The following MPDU1 variants were observed in gnomAD, a reference collection of about 807,000 sequenced individuals.
MPDU1 encodes mannose-P-dolichol utilization defect 1 protein.
In MPDU1, 18 loss-of-function variants were observed where a neutral mutation model predicts 27.6. That is an observed-to-expected ratio of 0.65 (90% confidence interval 0.45 to 0.97). The LOEUF is 0.97. MPDU1 is among the 50% of genes least tolerant of loss of function. The pLI is 0.00. For synonymous variants in MPDU1, 142 were observed against 131.1 expected (o/e 1.08, Z -0.57); for missense variants, 279 against 297.4 (o/e 0.94, Z 0.46).
chr17:7,585,835 G>A, intron 2 of MPDU1, 38 bp downstream of exon 2: 1 of 1,613,294 alleles, frequency 6.2e-7, no homozygotes, highest in Non-Finnish European at 8.5e-7. Context: ...GTTGGGTTGG[G>A]GTGGAGGTGC....
rs375637400 is a variant in MPDU1 at position 7,585,929 on chromosome 17, T to C, written c.170-17T>C. 6.2e-7 allele frequency: 1 copy of C among 1,614,070 alleles called. No individual in the cohort carries two copies. The highest frequency in any genetic ancestry group is 1.3e-5 in the African/African-American group (1 of 74,904). On this transcript the variant is annotated splice_polypyrimidine_tract_variant and intron_variant, in intron 2 of 6. Transcript: ENST00000250124. ...AATGGAGAGTCCTCAGTCCTACTTT[T>C]CTCATCTTTCCCCTAGTAAAGCTGC...
At chr17:7,587,311 C>T (rs368281355) in intron 6 of MPDU1, 40 bp downstream of exon 6, 14 of 1,612,604 alleles carry the variant, frequency 8.7e-6, no homozygotes, top group South Asian at 6.6e-5. Flanking sequence ...ACTAAAACCT[C>T]GTCTTACTTC....
chr17:7,586,094 T>C lies in MPDU1; in HGVS notation c.302+16T>C. 6.2e-7 allele frequency: 1 copy of C among 1,612,748 alleles called. No homozygotes were observed. The highest frequency in any genetic ancestry group is 1.7e-5 in the Admixed American group (1 of 59,982). Reference sequence around the variant, plus strand: ...TCCCATTCAGGTGAGGGGCCCACCCTTCCACCCCAAGGGTAATACCCACAA... The same window carrying C: ...TCCCATTCAGGTGAGGGGCCCACCCCTCCACCCCAAGGGTAATACCCACAA... On this transcript the variant is annotated intron_variant, in intron 3 of 6. Transcript: ENST00000250124.
rs1042292152 is a variant in MPDU1 at position 7,588,081 on chromosome 17, T to G, written c.*530T>G. 7.0e-6 allele frequency: 4 copies of G among 568,420 alleles called. No individual in the cohort carries two copies. The highest frequency in any genetic ancestry group is 3.7e-5 in the African/African-American group (2 of 53,950). 35.2% of individuals were successfully genotyped at this position (568,420 alleles called of 1,614,324 possible). ...GGGCCCCAGGGTGGGGTGAGGAGGT[T>G]CCTGCTCTGGCAGGTCTAGGCGGAA... is the stretch of plus-strand genomic sequence containing the variant. On this transcript the variant is annotated 3_prime_UTR_variant, in exon 7 of 7. Transcript: ENST00000250124.
chr17:7,586,645 C>T, intron 3 of MPDU1, 47 bp from the exon 4 acceptor site: 1 of 1,555,738 alleles, frequency 6.4e-7, no homozygotes, highest in Non-Finnish European at 8.9e-7. Context: ...GCTTTCCCTG[C>T]CTCTTTCTAG....
intron 2 of MPDU1, 39 bp downstream of exon 2, chr17:7,585,836 G>A: frequency 6.2e-7 from 1 of 1,613,162 alleles, no homozygotes; most frequent in Non-Finnish European, 8.5e-7. Flanking sequence ...TTGGGTTGGG[G>A]TGGAGGTGCT....
At position 7,587,067 on chromosome 17, in the gene MPDU1, G is replaced by GAGGGGGGGGGGGA; in HGVS notation, c.507+51_507+52insGGGGGGGGGGGAA. ...GATGTTGTGGGGGCAGGGTGGGGGG[G>GAGGGGGGGGGGGA]AAGAGTAGAAGATCAAAGTGTGGGG... is the stretch of plus-strand genomic sequence containing the variant. On this transcript the variant is annotated intron_variant, in intron 5 of 6. Coordinates refer to ENST00000250124, the MANE Select transcript of MPDU1 (RefSeq NM_004870.4). 4.8e-6 allele frequency: 5 copies of GAGGGGGGGGGGGA among 1,041,350 alleles called. No individual in the cohort carries two copies. In the Admixed American group the frequency reaches 9.6e-5, roughly 20 times the overall value. 64.5% of individuals were successfully genotyped at this position (1,041,350 alleles called of 1,614,324 possible). A position where few individuals can be genotyped will look rare whatever the true frequency, so the allele number is the denominator to read the frequency against.
In MPDU1 at chr17:7,585,950, G is replaced by T. The variant is rs1428007763; in HGVS notation, c.174G>T (p.Lys58Asn). The T allele has an allele frequency of 6.2e-7, 1 of 1,614,140 alleles. No individual in the cohort carries two copies. Among genetic ancestry groups the T allele is most frequent in the Admixed American group, 1.7e-5 (1 of 60,024 alleles). The change falls in exon 3 of 7, where the codon AAG (lysine) becomes AAT (asparagine). Residue 58 changes from lysine to asparagine, a missense_variant. Transcript: ENST00000250124. ...LGIVAGSLLVKLPQVFKILGA... is the reference protein window; with the variant it reads ...LGIVAGSLLVNLPQVFKILGA... ...CTTTTCTCATCTTTCCCCTAGTAAA[G>T]CTGCCCCAGGTGTTTAAAATCCTGG... is the stretch of plus-strand genomic sequence containing the variant.
chr17:7,587,940 CG>C lies in MPDU1; in HGVS notation c.*391del, dbSNP rs1297115928. On this transcript the variant is annotated 3_prime_UTR_variant, in exon 7 of 7. Coordinates refer to ENST00000250124, the MANE Select transcript of MPDU1 (RefSeq NM_004870.4). ...CTGGCCCTGGAAGACTGAGTCTGGA[CG>C]GCAGAGTGGAGGGACTGGGAGGCTG... 2.1e-6 allele frequency: 1 copy of C among 480,052 alleles called. No individual in the cohort carries two copies. Among genetic ancestry groups the C allele is most frequent in the East Asian group, 6.2e-5 (1 of 16,154 alleles). The allele number at this position is 480,052 out of a possible 1,614,324, so 29.7% of individuals were successfully genotyped here. A position where few individuals can be genotyped will look rare whatever the true frequency, so the allele number is the denominator to read the frequency against.
Position 7,586,700 on chromosome 17 carries a change from G to GTGAA in MPDU1, c.312_315dup (p.Ala106Ter). ...AACTCTTGACTCTGCAGCTCTTGGG[G>GTGAA]TGAAGCCTTATTCCTGATGCTCCAG... On this transcript the variant is annotated frameshift_variant, in exon 4 of 7. Transcript: ENST00000250124. LOFTEE classifies it high-confidence loss of function. 6.2e-7 allele frequency: 1 copy of GTGAA among 1,614,134 alleles called. No homozygotes were observed. Among genetic ancestry groups the GTGAA allele is most frequent in the Non-Finnish European group, 8.5e-7 (1 of 1,180,008 alleles).
Position 7,587,157 on chromosome 17 carries a change from C to G in MPDU1, c.508-4C>G. The G allele has an allele frequency of 6.2e-7, 1 of 1,613,966 alleles. No homozygotes were observed. The highest frequency in any genetic ancestry group is 8.5e-7 in the Non-Finnish European group (1 of 1,179,914). On this transcript the variant is annotated splice_polypyrimidine_tract_variant and splice_region_variant and intron_variant, in intron 5 of 6. Coordinates refer to ENST00000250124, the MANE Select transcript of MPDU1 (RefSeq NM_004870.4). ...AGAGCCAAAGGTCTCAACTCCTCCCCTAGCTTCTCCAGGCAGCCACCAACT... is the reference window on the plus strand; with the variant it reads ...AGAGCCAAAGGTCTCAACTCCTCCCGTAGCTTCTCCAGGCAGCCACCAACT...
chr17:7,587,379 C>T, intron 6 of MPDU1, 47 bp from the exon 7 acceptor site: 1 of 1,613,970 alleles, frequency 6.2e-7, no homozygotes, highest in Non-Finnish European at 8.5e-7. Context: ...GGGAACCTTT[C>T]TTGAGCTATG....
intron 5 of MPDU1, 50 bp downstream of exon 5, chr17:7,587,067 G>GGGA: frequency 3.8e-6 from 4 of 1,041,360 alleles, no homozygotes; most frequent in East Asian, 3.0e-5. Flanking sequence ...GGGTGGGGGG[G>GGGA]AAGAGTAGAA....
chr17:7,586,174 A>G, intron 3 of MPDU1, 96 bp downstream of exon 3: 2 of 1,487,076 alleles, frequency 1.3e-6, no homozygotes, highest in Non-Finnish European at 1.8e-6. Context: ...GGCCGGGCCC[A>G]GTGGCTTGCA....
Position 7,587,977 on chromosome 17 carries a change from C to T in MPDU1, c.*426C>T, listed in dbSNP as rs2071613436. The stretch of plus-strand genomic sequence containing the variant: ...GGGACTGGGAGGCTGTGGCTGCCTC[C>T]CTCCCTCAGCCCGGCTGGGACTGTC... On this transcript the variant is annotated 3_prime_UTR_variant, in exon 7 of 7. Coordinates refer to ENST00000250124, the MANE Select transcript of MPDU1 (RefSeq NM_004870.4). 1 of 478,284 alleles carries T rather than the reference C, an allele frequency of 2.1e-6. No homozygotes were observed. The highest frequency in any genetic ancestry group is 1.5e-5 in the South Asian group (1 of 64,688). 29.6% of individuals were successfully genotyped at this position (478,284 alleles called of 1,614,324 possible).
rs556327306 is a variant in MPDU1, at chr17:7,588,102, C to T, written c.*551C>T. On this transcript the variant is annotated 3_prime_UTR_variant, in exon 7 of 7. Transcript: ENST00000250124. ...AGGTTCCTGCTCTGGCAGGTCTAGGCGGAAGGGAGTGGAGATGGGGCTGGT... is the reference window on the plus strand; with the variant it reads ...AGGTTCCTGCTCTGGCAGGTCTAGGTGGAAGGGAGTGGAGATGGGGCTGGT... 38 of 599,946 alleles carry T rather than the reference C, an allele frequency of 6.3e-5. No homozygotes were observed. The highest frequency in any genetic ancestry group is 3.5e-4 in the South Asian group (23 of 65,752). 37.2% of individuals were successfully genotyped at this position (599,946 alleles called of 1,614,324 possible). A position where few individuals can be genotyped will look rare whatever the true frequency, so the allele number is the denominator to read the frequency against.
At position 7,586,982 on chromosome 17, in the gene MPDU1, C is replaced by T. The variant is rs763006629; in HGVS notation, c.472C>T (p.Gln158Ter). 1.2e-6 allele frequency: 2 copies of T among 1,611,420 alleles called. No homozygotes were observed. Among genetic ancestry groups the T allele is most frequent in the Admixed American group, 3.4e-5 (2 of 59,534 alleles). The change falls in exon 5 of 7, where the codon CAG becomes TAG. Residue 158 changes from glutamine to a stop codon, truncating the protein, a stop_gained. Coordinates refer to ENST00000250124, the MANE Select transcript of MPDU1 (RefSeq NM_004870.4). LOFTEE classifies it high-confidence loss of function. ...LTPLTVVTLLQASNVPAVVVG... is the reference protein window; with the variant it reads ...LTPLTVVTLL ...GCCCTTGACTGTAGTCACCCTGCTC[C>T]AGGCCTCCAATGTGCCTGCTGTGGT... is the stretch of plus-strand genomic sequence containing the variant.
At chr17:7,585,900 A>G (rs777137632) in intron 2 of MPDU1, 46 bp from the exon 3 acceptor site, 90 of 1,613,934 alleles carry the variant, frequency 5.6e-5, no homozygotes, top group Non-Finnish European at 7.5e-5. Flanking sequence ...GTTGCATCCC[A>G]AAGAATGGAG....
Position 7,583,932 on chromosome 17 carries a change from G to C in MPDU1, c.70G>C (p.Asp24His). ...VPILLPEKCY[D>H]QLFVQWDLLH... Reference sequence around the variant, plus strand: ...GATTCTTTTACCTGAGAAATGCTACGACCAACTTTTCGTTCAGTGGGACTT... The same window carrying C: ...GATTCTTTTACCTGAGAAATGCTACCACCAACTTTTCGTTCAGTGGGACTT... Residue 24 changes from aspartate (D) to histidine (H), a missense_variant, in exon 1 of 7, where the codon GAC (aspartate) becomes CAC (histidine). Coordinates refer to ENST00000250124, the MANE Select transcript of MPDU1 (RefSeq NM_004870.4). 1.2e-6 allele frequency: 2 copies of C among 1,614,172 alleles called. No homozygotes were observed. Among genetic ancestry groups the C allele is most frequent in the South Asian group, 1.1e-5 (1 of 91,078 alleles).
Sources: allele counts gnomAD v4.1 joint callset, GRCh38; gene constraint gnomAD v4.1.1; transcripts MANE v1.5; gene names NCBI Gene and HGNC (gene_info 2026-07-23, HGNC 2026-07-21).